Variants in GALNT13 observed in about 807,000 individuals in gnomAD.
The protein encoded by GALNT13 is polypeptide N-acetylgalactosaminyltransferase 13.
Under a neutral mutation model 64.2 loss-of-function variants are expected in GALNT13, and 28 were observed. The ratio of observed to expected loss-of-function variants is 0.44; its 90% CI spans 0.32 to 0.60. The LOEUF (loss-of-function observed/expected upper bound fraction) is 0.60. GALNT13 is among the 20% of genes least tolerant of loss of function. GALNT13 has a pLI of 0.05. For synonymous variants in GALNT13, 214 were observed against 224.6 expected (o/e 0.95, Z 0.42); for missense variants, 577 against 669.8 (o/e 0.86, Z 1.53).
chr2:153,387,418 C>T, the GALNT13 span, among the ~76,000 whole-genome samples: 3 of 152,074 alleles, frequency 2.0e-5, no homozygotes, highest in Non-Finnish European at 2.9e-5. Flanking sequence ...TCCACTCCCC[C>T]ACTCAGGGTC....
intron 9 of GALNT13, among the ~76,000 whole-genome samples, chr2:154,359,271 G>T (rs1696928213): frequency 6.6e-6 from 1 of 152,048 alleles, no homozygotes; most frequent in African/African-American, 2.4e-5. Flanking sequence ...ACAAGTCCCA[G>T]GTAGCCACTA....
the GALNT13 span, among the ~76,000 whole-genome samples, chr2:153,825,608 C>CTGTGTGTG: frequency 0.012 from 1,636 of 134,840 alleles, 17 homozygotes; most frequent in Middle Eastern, 0.019. Flanking sequence ...TCCATGAGTG[C>CTGTGTGTG]TGTGTGTGTG....
At chr2:153,590,489 T>C in the GALNT13 span, among the ~76,000 whole-genome samples, 2 of 151,972 alleles carry the variant, frequency 1.3e-5, no homozygotes, top group Non-Finnish European at 2.9e-5. Context: ...ATGAGGCCAG[T>C]ATTACACTGA....
chr2:153,612,077 G>A, the GALNT13 span, among the ~76,000 whole-genome samples: 3 of 152,086 alleles, frequency 2.0e-5, no homozygotes, highest in Admixed American at 6.6e-5. Flanking sequence ...TGGTGTATAT[G>A]TGCCACATTT....
intron 8 of GALNT13, among the ~76,000 whole-genome samples, chr2:154,272,123 C>G (rs988565857): frequency 6.6e-6 from 1 of 151,662 alleles, no homozygotes; most frequent in African/African-American, 2.4e-5. Flanking sequence ...AGGGCTTATC[C>G]AGAAATACAC....
At chr2:153,144,317 A>G in the GALNT13 span, among the ~76,000 whole-genome samples, 13 of 151,954 alleles carry the variant, frequency 8.6e-5, no homozygotes, top group African/African-American at 3.1e-4. Context: ...TAAGCTCAGG[A>G]AATTCCCTTC....
intron 2 of GALNT13, among the ~76,000 whole-genome samples, chr2:153,924,981 A>G (rs1690017862): frequency 6.6e-6 from 1 of 152,202 alleles, no homozygotes; most frequent in Non-Finnish European, 1.5e-5. Context: ...ATAGATTACA[A>G]AAATTTTGTC....
the GALNT13 span, among the ~76,000 whole-genome samples, chr2:153,455,985 GC>G: frequency 6.6e-6 from 1 of 152,156 alleles, no homozygotes; most frequent in Non-Finnish European, 1.5e-5. Context: ...CTGAAGTCCG[GC>G]CCTCTCCAGC....
chr2:154,402,013 T>TTAACA (rs1453723704), intron 10 of GALNT13, among the ~76,000 whole-genome samples: 1 of 152,178 alleles, frequency 6.6e-6, no homozygotes, highest in African/African-American at 2.4e-5. Flanking sequence ...TATGGAAATA[T>TTAACA]TAACATTAAG....
chr2:154,185,922 A>T (rs1338443768), intron 4 of GALNT13, among the ~76,000 whole-genome samples: 1 of 151,980 alleles, frequency 6.6e-6, no homozygotes, highest in East Asian at 1.9e-4. Context: ...ACTTTGTAAT[A>T]TTATTTACTG....
chr2:154,133,894 A>C (rs990090362), intron 3 of GALNT13, among the ~76,000 whole-genome samples: 2 of 152,090 alleles, frequency 1.3e-5, no homozygotes, highest in Admixed American at 1.3e-4. Flanking sequence ...TTTCATGTAA[A>C]TTTTGCAATG....
intron 3 of GALNT13, among the ~76,000 whole-genome samples, chr2:153,972,528 T>C (rs1050790186): frequency 6.6e-6 from 1 of 152,104 alleles, no homozygotes; most frequent in Non-Finnish European, 1.5e-5. Flanking sequence ...GTATAACATT[T>C]ACCAACTTAT....
chr2:153,562,042 TTCTC>T, the GALNT13 span, among the ~76,000 whole-genome samples: 7 of 112,734 alleles, frequency 6.2e-5, no homozygotes, highest in African/African-American at 1.7e-4. Context: ...CTCTCTCTCT[TTCTC>T]TCTCTCTCTC....
chr2:153,470,397 A>C, the GALNT13 span, among the ~76,000 whole-genome samples: 4 of 152,046 alleles, frequency 2.6e-5, no homozygotes, highest in Non-Finnish European at 5.9e-5. Context: ...TCCTGCAGCC[A>C]CCCAGTCACA....
the GALNT13 span, among the ~76,000 whole-genome samples, chr2:153,650,623 T>C: frequency 0.72 from 109,796 of 151,944 alleles, 40,472 homozygotes; most frequent in Middle Eastern, 0.8. Flanking sequence ...TTTCCATGTT[T>C]AGTGCTTCCT....
chr2:154,402,241 T>G (rs1025523428), intron 10 of GALNT13, among the ~76,000 whole-genome samples: 1 of 152,158 alleles, frequency 6.6e-6, no homozygotes, highest in African/African-American at 2.4e-5. Context: ...AGATTGGTGG[T>G]GGGGGCGTGG....
chr2:154,199,540 T>C (rs1049488844), intron 4 of GALNT13, among the ~76,000 whole-genome samples: 10 of 152,182 alleles, frequency 6.6e-5, no homozygotes, highest in African/African-American at 2.4e-4. Context: ...TAATTTTTTA[T>C]GTTCATGCAA....
intron 3 of GALNT13, among the ~76,000 whole-genome samples, chr2:153,980,064 T>C (rs935830126): frequency 8.5e-5 from 13 of 152,292 alleles, no homozygotes; most frequent in African/African-American, 2.2e-4. Context: ...ATATATATGA[T>C]AGCATGTAAA....
chr2:153,634,654 G>A, the GALNT13 span, among the ~76,000 whole-genome samples: 44 of 147,920 alleles, frequency 3.0e-4, no homozygotes, highest in Non-Finnish European at 2.4e-4. Flanking sequence ...GGGTTCAAGC[G>A]ATTCTTCTGC....
Sources: gnomAD v4.1 joint callset for allele counts (sites outside exome capture counted in the v4.1 genomes callset) on GRCh38, gnomAD v4.1.1 for gene constraint, MANE v1.5 for transcripts, NCBI Gene and HGNC (gene_info 2026-07-23, HGNC 2026-07-21) for gene names.